The following CLASRP variants were observed in gnomAD, a reference collection of about 807,000 sequenced individuals.
The protein encoded by CLASRP is CLK4-associating serine/arginine rich protein.
CLASRP carries 52 observed loss-of-function variants against 99.9 expected under a neutral mutation model. That is an observed-to-expected ratio of 0.52 (90% CI 0.42 to 0.66). The LOEUF (loss-of-function observed/expected upper bound fraction) is 0.66, where lower values mean the gene tolerates loss of function less well. Among genes scored for constraint, CLASRP ranks in the 30% least tolerant of loss-of-function variants. The probability of loss-of-function intolerance (pLI) is 0.00; values close to 1 mark genes in which losing one functional copy is unlikely to be tolerated. For synonymous variants in CLASRP, 379 were observed against 373.0 expected (o/e 1.02, Z -0.18); for missense variants, 848 against 999.2 (o/e 0.85, Z 2.04).
At chr19:45,068,327 C>A (rs537186584) in intron 15 of CLASRP, 93 bp from the exon 16 acceptor site, 12 of 645,424 alleles carry the variant, frequency 1.9e-5, no homozygotes, top group East Asian at 2.8e-5. Flanking sequence ...CCCCACCCCC[C>A]CCCCGCACAA....
At chr19:45,066,452 T>G (rs1967088847) in intron 13 of CLASRP, among the ~76,000 whole-genome samples, 1 of 151,092 alleles carries the variant, frequency 6.6e-6, no homozygotes, top group African/African-American at 2.4e-5. Flanking sequence ...AATTTTTATT[T>G]TATAAAAACG....
At chr19:45,066,366 C>G (rs1210368109) in intron 13 of CLASRP, among the ~76,000 whole-genome samples, 1 of 152,128 alleles carries the variant, frequency 6.6e-6, no homozygotes, top group Non-Finnish European at 1.5e-5. Context: ...GATCCACCCA[C>G]CTTTGCCTCC....
rs779823314 is a variant in CLASRP at position 45,040,296 on chromosome 19, G to A, written c.84G>A (p.Glu28=). Residue 28 remains glutamate (E), a synonymous_variant, in exon 2 of 21, where the codon GAG becomes GAA. Coordinates refer to ENST00000221455, the MANE Select transcript of CLASRP (RefSeq NM_007056.3). ...DYKKRAERRR[E]YYEKIKKDPA... ...AGAAGAGGGCGGAGCGGAGACGGGAGTATTATGAAAAGATCGTGAGTAACT... is the reference window on the plus strand; with the variant it reads ...AGAAGAGGGCGGAGCGGAGACGGGAATATTATGAAAAGATCGTGAGTAACT... The A allele has an allele frequency of 5.0e-6, 8 of 1,610,226 alleles. No individual in the cohort carries two copies. The highest frequency in any genetic ancestry group is 2.2e-5 in the East Asian group (1 of 44,846).
At chr19:45,070,500 A>G in intron 19 of CLASRP, 37 bp from the exon 20 acceptor site, 1 of 1,610,102 alleles carries the variant, frequency 6.2e-7, no homozygotes, top group South Asian at 1.1e-5. Flanking sequence ...CTGGCCCTGG[A>G]TGTTTGCTCG....
chr19:45,055,830 T>A (rs755182894), intron 5 of CLASRP, among the ~76,000 whole-genome samples: 2 of 151,954 alleles, frequency 1.3e-5, no homozygotes, highest in Non-Finnish European at 2.9e-5. Context: ...TGAAACTCTG[T>A]CTTAAAAAAA....
Position 45,039,101 on chromosome 19 carries a change from A to G in CLASRP, c.-37A>G, listed in dbSNP as rs895348924. 3 of 151,954 alleles carry G rather than the reference A, an allele frequency of 2.0e-5. No homozygotes were observed. Among genetic ancestry groups the G allele is most frequent in the African/African-American group, 7.3e-5 (3 of 41,362 alleles). The allele number at this position is 151,954 out of a possible 1,614,324, so 9.4% of individuals were successfully genotyped here. On this transcript the variant is annotated 5_prime_UTR_variant, in exon 1 of 21. Coordinates refer to ENST00000221455, the MANE Select transcript of CLASRP (RefSeq NM_007056.3). Reference sequence around the variant, plus strand: ...GCGAGCGCAGCGGTGGGAGGCGGCGACCAGCCGGTGAGTGCAGGCTGCGGC... The same window carrying G: ...GCGAGCGCAGCGGTGGGAGGCGGCGGCCAGCCGGTGAGTGCAGGCTGCGGC...
intron 2 of CLASRP, 191 bp downstream of exon 2, chr19:45,040,502 G>A (rs140510419): frequency 8.2e-6 from 4 of 486,756 alleles, no homozygotes; most frequent in East Asian, 7.6e-5. Context: ...GTAGCATACT[G>A]TGTCGTTTGG....
intron 2 of CLASRP, among the ~76,000 whole-genome samples, chr19:45,048,333 G>A (rs1252713976): frequency 2.0e-5 from 3 of 148,274 alleles, no homozygotes; most frequent in Non-Finnish European, 3.0e-5. Context: ...TCAGGAGTTC[G>A]AGACCAGCCT....
In CLASRP at chr19:45,060,475, C is replaced by T; in HGVS notation, c.789+8C>T. 6.2e-7 allele frequency: 1 copy of T among 1,614,096 alleles called. No homozygotes were observed. Among genetic ancestry groups the T allele is most frequent in the African/African-American group, 1.3e-5 (1 of 75,058 alleles). On this transcript the variant is annotated splice_region_variant and intron_variant, in intron 9 of 20. Coordinates refer to ENST00000221455, the MANE Select transcript of CLASRP (RefSeq NM_007056.3). The surrounding 1 kb of genome is among the most constrained non-coding windows in gnomAD (Gnocchi z 4.6). ...GAGAAGGCCATGTACTCGGTGAGGT[C>T]TGGGCTGGAGTGGAAGGGGACAGGG...
intron 6 of CLASRP, among the ~76,000 whole-genome samples, chr19:45,057,033 G>T (rs1291687411): frequency 6.6e-6 from 1 of 152,152 alleles, no homozygotes; most frequent in Non-Finnish European, 1.5e-5. Flanking sequence ...GGGGAGACCC[G>T]GGCCTTATCC....
Position 45,064,402 on chromosome 19 carries a change from C to T in CLASRP, c.1181C>T (p.Ser394Phe), listed in dbSNP as rs1055422569. 1 of 1,530,592 alleles carries T rather than the reference C, an allele frequency of 6.5e-7. No individual in the cohort carries two copies. The highest frequency in any genetic ancestry group is 8.8e-7 in the Non-Finnish European group (1 of 1,141,478). The allele number at this position is 1,530,592 out of a possible 1,614,324, so 94.8% of individuals were successfully genotyped here. A position where few individuals can be genotyped will look rare whatever the true frequency, so the allele number is the denominator to read the frequency against. ...GCCTCGAGGACCTCCAGCTCCCGCT[C>T]CAGCTCTCGCTCCAGCTCCCGCTCT... Reference protein sequence around the residue: ...SSASRTSSSRSSSRSSSRSRR... With the variant: ...SSASRTSSSRFSSRSSSRSRR... Residue 394 changes from serine (S) to phenylalanine (F), a missense_variant, in exon 13 of 21, where the codon TCC becomes TTC. By Grantham distance (155) the Ser-to-Phe change is radical. Transcript: ENST00000221455.
In CLASRP at chr19:45,064,215, A is replaced by G. The variant is rs1967013843; in HGVS notation, c.1109A>G (p.Asn370Ser). Residue 370 changes from asparagine (N) to serine (S), a missense_variant, in exon 12 of 21, where the codon AAT (asparagine) becomes AGT (serine). By Grantham distance (46) the Asn-to-Ser change is conservative. Around this residue, in one of 8 missense-constraint regions of CLASRP, gnomAD observed 489 missense variants for 434.7 expected, o/e 1.12. Coordinates refer to ENST00000221455, the MANE Select transcript of CLASRP (RefSeq NM_007056.3). ...CCTGGCGGCCCCGCCCCGGGACGTA[A>G]TGCCAGCGCCCGGTCGGTAACGCTC... Reference protein sequence around the residue: ...PQPGGPAPGRNASARRRSSSS... With the variant: ...PQPGGPAPGRSASARRRSSSS... 6.3e-7 allele frequency: 1 copy of G among 1,595,982 alleles called. No homozygotes were observed. The highest frequency in any genetic ancestry group is 1.3e-5 in the African/African-American group (1 of 74,840).
chr19:45,057,502 G>A (rs1278086169), intron 6 of CLASRP, among the ~76,000 whole-genome samples: 2 of 152,188 alleles, frequency 1.3e-5, no homozygotes, highest in East Asian at 1.9e-4. Context: ...ACAAAGGCAG[G>A]GCTGGGGAGC....
rs1014157027 is a variant in CLASRP at position 45,067,742 on chromosome 19, G to A, written c.1667+148G>A. 2.6e-6 allele frequency: 2 copies of A among 779,594 alleles called. No individual in the cohort carries two copies. The highest frequency in any genetic ancestry group is 3.5e-5 in the African/African-American group (2 of 57,228). The allele number at this position is 779,594 out of a possible 1,614,324, so 48.3% of individuals were successfully genotyped here. Reference sequence around the variant, plus strand: ...CCTGGCCTGGGAGGGTGGATTTCAGGGGGACACAGCCCTGGCCTGGGGGGT... The same window carrying A: ...CCTGGCCTGGGAGGGTGGATTTCAGAGGGACACAGCCCTGGCCTGGGGGGT... On this transcript the variant is annotated intron_variant, in intron 14 of 20. Transcript: ENST00000221455. This position sits in a 1 kb window ranked among gnomAD's most constrained non-coding sequence, Gnocchi z 4.9.
In CLASRP at chr19:45,064,123, A is replaced by C. The variant is rs753861116; in HGVS notation, c.1017A>C (p.Ala339=). ...GTTTTGGGGGCAGCGATGAGGAGGCAGCCGCAGCCGCTGCTGCCGCAGCAG... is the reference window on the plus strand; with the variant it reads ...GTTTTGGGGGCAGCGATGAGGAGGCCGCCGCAGCCGCTGCTGCCGCAGCAG... ...ITSFGGSDEE[A]AAAAAAAAAS... Residue 339 remains alanine (A), a synonymous_variant, in exon 12 of 21, where the codon GCA becomes GCC. Transcript: ENST00000221455. The C allele has an allele frequency of 6.2e-7, 1 of 1,609,830 alleles. No individual in the cohort carries two copies. Among genetic ancestry groups the C allele is most frequent in the African/African-American group, 1.3e-5 (1 of 74,664 alleles).
rs566780401 is a variant in CLASRP, at chr19:45,069,232, C to T, written c.1858C>T (p.Arg620Cys). 5 of 1,613,698 alleles carry T rather than the reference C, an allele frequency of 3.1e-6. No homozygotes were observed. The highest frequency in any genetic ancestry group is 2.7e-5 in the African/African-American group (2 of 75,014). Residue 620 changes from arginine to cysteine, a missense_variant, in exon 18 of 21, where the codon CGC becomes TGC. Coordinates refer to ENST00000221455, the MANE Select transcript of CLASRP (RefSeq NM_007056.3). ...GGAAGACGAGCTTCGAGCCATGGCC[C>T]GCAAGATCCGCATGAAGTAAGACCT... ...EREDELRAMA[R>C]KIRMKERERR...
At chr19:45,062,982 C>T (rs1432949608) in intron 11 of CLASRP, among the ~76,000 whole-genome samples, 1 of 152,084 alleles carries the variant, frequency 6.6e-6, no homozygotes, top group East Asian at 1.9e-4. Context: ...GCCCAGTTCC[C>T]TCTTCGGAAT....
At chr19:45,051,191 C>T (rs1387935099) in intron 2 of CLASRP, among the ~76,000 whole-genome samples, 3 of 152,018 alleles carry the variant, frequency 2.0e-5, no homozygotes, top group African/African-American at 7.2e-5. Context: ...AAATGAACGG[C>T]CCGGAGGATG....
intron 2 of CLASRP, among the ~76,000 whole-genome samples, chr19:45,047,028 C>CA (rs573512481): frequency 4.1e-4 from 59 of 145,172 alleles, no homozygotes; most frequent in South Asian, 2.4e-3. Context: ...ACTCTGTCTC[C>CA]AAAAAAAAAA....
Sources: allele counts gnomAD v4.1 joint callset (sites outside exome capture counted in the v4.1 genomes callset), GRCh38; gene constraint gnomAD v4.1.1; regional missense constraint gnomAD v4.1.1; non-coding constraint Gnocchi (gnomAD v3.1); transcripts MANE v1.5; gene names NCBI Gene and HGNC (gene_info 2026-07-23, HGNC 2026-07-21).